Variants in MED17 observed in about 807,000 individuals in gnomAD.
MED17 encodes mediator complex subunit 17, also known as mediator of RNA polymerase II transcription subunit 17.
Under a neutral mutation model 80.8 loss-of-function variants are expected in MED17, and 49 were observed. The observed-to-expected ratio is 0.61, with a 90% CI of 0.48 to 0.77. MED17 has a LOEUF of 0.77. MED17 is among the 30% of genes least tolerant of loss of function. The probability of loss-of-function intolerance (pLI) is 0.00; values close to 1 mark genes in which losing one functional copy is unlikely to be tolerated. For synonymous variants in MED17, 281 were observed against 280.4 expected (o/e 1.00, Z -0.02); for missense variants, 718 against 787.0 (o/e 0.91, Z 1.05).
At chr11:93,792,775 GA>G (rs993573061) in intron 3 of MED17, among the ~76,000 whole-genome samples, 5 of 151,592 alleles carry the variant, frequency 3.3e-5, no homozygotes, top group Admixed American at 2.0e-4. Context: ...CTATCTCTAA[GA>G]AAAAAAACTT....
chr11:93,789,145 G>A (rs759443347), intron 2 of MED17: 1 of 152,188 alleles, frequency 6.6e-6, no homozygotes, highest in Non-Finnish European at 1.5e-5. Flanking sequence ...TGGAGAAGAA[G>A]TAATGACTGT....
At chr11:93,788,690 A>AG (rs1472662325) in intron 2 of MED17, 1 of 153,534 alleles carries the variant, frequency 6.5e-6, no homozygotes, top group Non-Finnish European at 1.4e-5. Flanking sequence ...CAAAAAAAAA[A>AG]AAAAAAAGAA....
chr11:93,803,993 GT>G (rs1943992367), intron 9 of MED17, among the ~76,000 whole-genome samples: 1 of 2,318 alleles, frequency 4.3e-4, no homozygotes, highest in African/African-American at 6.4e-4. Flanking sequence ...GTGTATATAT[GT>G]GTGTGTATAT....
chr11:93,803,271 A>AT (rs1309164592), intron 9 of MED17, among the ~76,000 whole-genome samples: 1 of 152,114 alleles, frequency 6.6e-6, no homozygotes, highest in African/African-American at 2.4e-5. Context: ...TTTCTTTTTG[A>AT]TTTTTCCTAT....
At chr11:93,784,856 G>C (rs1943752386) in intron 1 of MED17, 93 bp downstream of exon 1, 3 of 1,490,244 alleles carry the variant, frequency 2.0e-6, no homozygotes, top group South Asian at 1.3e-5. Context: ...GATCTTGTGC[G>C]TGCGAGAACT....
At position 93,809,750 on chromosome 11, in the gene MED17, C is replaced by G. The variant is rs1373487986; in HGVS notation, c.1618C>G (p.Leu540Val). 6.2e-7 allele frequency: 1 copy of G among 1,614,082 alleles called. No homozygotes were observed. The highest frequency in any genetic ancestry group is 8.5e-7 in the Non-Finnish European group (1 of 1,180,050). The change falls in exon 11 of 12, where the codon CTC (leucine) becomes GTC (valine). Residue 540 changes from leucine to valine, a missense_variant. By Grantham distance (32) the Leu-to-Val change is conservative. Transcript: ENST00000251871. Reference protein sequence around the residue: ...SQHQVHAVQQLAKVMGWQVLS... With the variant: ...SQHQVHAVQQVAKVMGWQVLS... ...GCACCAGGTACATGCAGTTCAGCAA[C>G]TCGCCAAGGTTATGGGCTGGCAAGT...
At chr11:93,793,467 A>G in intron 3 of MED17, 1 of 372,366 alleles carries the variant, frequency 2.7e-6, no homozygotes, top group South Asian at 2.8e-5. Context: ...AACAATTTGG[A>G]TTTTCTGTGG....
chr11:93,791,619 T>A (rs748921568), intron 3 of MED17, among the ~76,000 whole-genome samples: 2 of 151,984 alleles, frequency 1.3e-5, no homozygotes, highest in Non-Finnish European at 2.9e-5. Context: ...GGCAGGATGA[T>A]CCCTTGAGCC....
Position 93,794,918 on chromosome 11 carries a change from T to C in MED17, c.870T>C (p.His290=), listed in dbSNP as rs1943884194. 1 of 1,614,216 alleles carries C rather than the reference T, an allele frequency of 6.2e-7. No individual in the cohort carries two copies. Among genetic ancestry groups the C allele is most frequent in the South Asian group, 1.1e-5 (1 of 91,088 alleles). The change falls in exon 6 of 12, where the codon CAT becomes CAC. Residue 290 remains histidine (H), a synonymous_variant. Coordinates refer to ENST00000251871, the MANE Select transcript of MED17 (RefSeq NM_004268.5). ...TTTCTTGTCTTTCAGGTTCCCCACATTGGCAGACAAAATTAGAAGCGGCAC... is the reference window on the plus strand; with the variant it reads ...TTTCTTGTCTTTCAGGTTCCCCACACTGGCAGACAAAATTAGAAGCGGCAC... ...PLPKSKPGSP[H]WQTKLEAAQN... is the part of the protein sequence containing the mutation.
chr11:93,796,179 C>T (rs753228987), intron 6 of MED17: 16 of 470,828 alleles, frequency 3.4e-5, no homozygotes, highest in Middle Eastern at 6.5e-4. Context: ...TCTCAATCCC[C>T]TGACCTTGTG....
chr11:93,806,742 A>C (rs1944029166), intron 9 of MED17: 1 of 152,206 alleles, frequency 6.6e-6, no homozygotes, highest in African/African-American at 2.4e-5. Context: ...AAATGATCTC[A>C]AATTGGTAAA....
intron 8 of MED17, chr11:93,800,660 A>G (rs1260649634): frequency 6.6e-6 from 1 of 151,366 alleles, no homozygotes; most frequent in East Asian, 1.9e-4. Flanking sequence ...TTGAGACAGC[A>G]TCTTACTCTG....
At chr11:93,806,023 C>T (rs1944021372) in intron 9 of MED17, 1 of 143,158 alleles carries the variant, frequency 7.0e-6, no homozygotes, top group Admixed American at 7.2e-5. Context: ...TGCTCTGTCG[C>T]CAGATCGGAG....
In MED17 at chr11:93,812,455, T is replaced by G. The variant is rs1187884240; in HGVS notation, c.*391T>G. On this transcript the variant is annotated 3_prime_UTR_variant, in exon 12 of 12. Coordinates refer to ENST00000251871, the MANE Select transcript of MED17 (RefSeq NM_004268.5). ...CAAATACTTTCTAAACTTTTTTTTT[T>G]TGAGATGGTATCTCACTCTGTAGCC... 2 of 394,938 alleles carry G rather than the reference T, an allele frequency of 5.1e-6. No individual in the cohort carries two copies. Among genetic ancestry groups the G allele is most frequent in the Non-Finnish European group, 9.0e-6 (2 of 223,358 alleles). 24.5% of individuals were successfully genotyped at this position (394,938 alleles called of 1,614,324 possible). A position where few individuals can be genotyped will look rare whatever the true frequency, so the allele number is the denominator to read the frequency against.
intron 6 of MED17, chr11:93,795,560 TA>T (rs35640887): frequency 0.76 from 112,256 of 147,346 alleles, 44,759 homozygotes; most frequent in Non-Finnish European, 0.88. Flanking sequence ...ACAAACAAAT[TA>T]AAAAAAAAAA....
At chr11:93,787,884 A>G in intron 1 of MED17, 117 bp from the exon 2 acceptor site, 3 of 906,462 alleles carry the variant, frequency 3.3e-6, no homozygotes, top group Non-Finnish European at 5.3e-6. Flanking sequence ...ATAAGAGAAC[A>G]ATTTGAAATT....
chr11:93,805,391 T>G (rs1944012580), intron 9 of MED17, among the ~76,000 whole-genome samples: 1 of 150,876 alleles, frequency 6.6e-6, no homozygotes, highest in Non-Finnish European at 1.5e-5. Context: ...AAGCCCAGCC[T>G]GGCCAACATG....
rs1229091307 is a variant in MED17, at chr11:93,814,739, G to T, written c.*2675G>T. 6.6e-6 allele frequency: 1 copy of T among 152,174 alleles called. No individual in the cohort carries two copies. Among genetic ancestry groups the T allele is most frequent in the Non-Finnish European group, 1.5e-5 (1 of 68,022 alleles). The allele number at this position is 152,174 out of a possible 1,614,324, so 9.4% of individuals were successfully genotyped here. A position where few individuals can be genotyped will look rare whatever the true frequency, so the allele number is the denominator to read the frequency against. ...GTATTTATTAGGAGAAAGCATTTCA[G>T]AATGTCCTGTATTCATATTTGTATG... On this transcript the variant is annotated 3_prime_UTR_variant, in exon 12 of 12. Coordinates refer to ENST00000251871, the MANE Select transcript of MED17 (RefSeq NM_004268.5).
intron 11 of MED17, chr11:93,811,233 T>C (rs1944082900): frequency 6.6e-6 from 1 of 152,340 alleles, no homozygotes. Context: ...TAAAACCTCA[T>C]TAAAACCTGA....
Sources: gnomAD v4.1 joint callset for allele counts (sites outside exome capture counted in the v4.1 genomes callset) on GRCh38, gnomAD v4.1.1 for gene constraint, MANE v1.5 for transcripts, NCBI Gene and HGNC (gene_info 2026-07-23, HGNC 2026-07-21) for gene names.